The following CABIN1 variants were observed in gnomAD, a reference collection of about 807,000 sequenced individuals.
CABIN1 encodes the protein calcineurin-binding protein cabin-1.
In CABIN1, 133 loss-of-function variants were observed where a neutral mutation model predicts 227.7. The observed-to-expected ratio is 0.58, with a 90% CI of 0.51 to 0.67. The LOEUF (loss-of-function observed/expected upper bound fraction) is 0.67, where lower values mean the gene tolerates loss of function less well. Among genes scored for constraint, CABIN1 ranks in the 30% least tolerant of loss-of-function variants. The pLI, the probability that CABIN1 is intolerant of heterozygous loss-of-function variation, is 0.00. For missense variants in CABIN1, 2,408 were observed against 2,852.5 expected (o/e 0.84, Z 3.55); for synonymous variants, 1,086 against 1,155.1 (o/e 0.94, Z 1.21).
At chr22:24,155,521 C>T (rs1020405905) in intron 29 of CABIN1, among the ~76,000 whole-genome samples, 2 of 152,200 alleles carry the variant, frequency 1.3e-5, no homozygotes, top group African/African-American at 4.8e-5. Flanking sequence ...AACCCACTTA[C>T]CATGGCATCT....
rs1190172391 is a variant in CABIN1 at position 24,177,512 on chromosome 22, CTG to C, written c.6215_6216del (p.Leu2072GlnfsTer3). On this transcript the variant is annotated frameshift_variant, in exon 36 of 37. Coordinates refer to ENST00000263119, the MANE Select transcript of CABIN1 (RefSeq NM_012295.4). LOFTEE classifies it high-confidence loss of function. This position sits in a 1 kb window ranked among gnomAD's most constrained non-coding sequence, Gnocchi z 4.4. Reference sequence around the variant, plus strand: ...GTACCTTTGTCTTCCAGAGGGGAAACTGAGGCCTGAGCCGAGAAGGGATGGGG... The same window carrying C: ...GTACCTTTGTCTTCCAGAGGGGAAACAGGCCTGAGCCGAGAAGGGATGGGG... ...AEPTCSQEGK[L>X]RPEPRRDGEA... The C allele has an allele frequency of 6.5e-7, 1 of 1,529,686 alleles. No individual in the cohort carries two copies. Among genetic ancestry groups the C allele is most frequent in the South Asian group, 1.3e-5 (1 of 79,220 alleles). The allele number at this position is 1,529,686 out of a possible 1,614,324, so 94.8% of individuals were successfully genotyped here.
In CABIN1 at chr22:24,113,766, G is replaced by A. The variant is rs184785116; in HGVS notation, c.4300+18G>A. 7 of 1,613,246 alleles carry A rather than the reference G, an allele frequency of 4.3e-6. No individual in the cohort carries two copies. Among genetic ancestry groups the A allele is most frequent in the South Asian group, 3.3e-5 (3 of 91,048 alleles). On this transcript the variant is annotated intron_variant, in intron 27 of 36. Transcript: ENST00000263119. ...AGAAAGAGGTATGAAGCCCTAACTC[G>A]GTGAATTAGAACCACTTTGATGTCC...
intron 28 of CABIN1, among the ~76,000 whole-genome samples, chr22:24,130,109 G>C (rs1278956543): frequency 1.3e-5 from 2 of 152,214 alleles, no homozygotes; most frequent in Non-Finnish European, 2.9e-5. Context: ...TGTCACAGGA[G>C]GGTCTATGTG....
chr22:24,085,642 G>A (rs1278880127), intron 22 of CABIN1, among the ~76,000 whole-genome samples: 1 of 152,190 alleles, frequency 6.6e-6, no homozygotes, highest in Non-Finnish European at 1.5e-5. Context: ...TGTCATGATA[G>A]TACATGTAGA....
At position 24,092,753 on chromosome 22, in the gene CABIN1, T is replaced by G. The variant is rs553967922; in HGVS notation, c.3786+910T>G. ...TAAAGAGATTCAAACAACTCAGAAG[T>G]GTACAGTGTGAATGTGAAGGCCCCT... On this transcript the variant is annotated intron_variant, in intron 24 of 36. Coordinates refer to ENST00000263119, the MANE Select transcript of CABIN1 (RefSeq NM_012295.4). Among the ~76,000 whole-genome samples the G allele has an allele frequency of 7.5e-4, 113 of 151,036 alleles. 2 individuals are homozygous for G. In the South Asian group the frequency reaches 0.023, roughly 31 times the overall value.
intron 32 of CABIN1, among the ~76,000 whole-genome samples, chr22:24,168,045 GCTTGGTTGGAGCC>G (rs1280925394): frequency 6.6e-6 from 1 of 152,210 alleles, no homozygotes; most frequent in Non-Finnish European, 1.5e-5. Flanking sequence ...GAATTTGAAG[GCTTGGTTGGAGCC>G]CTTGAGTCTG....
intron 17 of CABIN1, among the ~76,000 whole-genome samples, chr22:24,071,919 T>C (rs2040115490): frequency 6.6e-6 from 1 of 152,044 alleles, no homozygotes; most frequent in African/African-American, 2.4e-5. Context: ...CCACAGCCAC[T>C]CACTTGGAAA....
intron 24 of CABIN1, among the ~76,000 whole-genome samples, chr22:24,094,217 C>T (rs1179411809): frequency 2.0e-5 from 3 of 152,206 alleles, no homozygotes; most frequent in Admixed American, 6.5e-5. Context: ...AGCCACTGAA[C>T]CTACGTGTGG....
chr22:24,089,086 G>A (rs755249228), intron 23 of CABIN1, among the ~76,000 whole-genome samples: 1 of 152,192 alleles, frequency 6.6e-6, no homozygotes, highest in African/African-American at 2.4e-5. Context: ...ATTATCCTCT[G>A]CTGGGGCTCA....
At chr22:24,126,897 G>A (rs1241725807) in intron 28 of CABIN1, among the ~76,000 whole-genome samples, 1 of 151,766 alleles carries the variant, frequency 6.6e-6, no homozygotes, top group Non-Finnish European at 1.5e-5. Context: ...TACTCAGTAG[G>A]CTAAGGAAGG....
intron 3 of CABIN1, among the ~76,000 whole-genome samples, chr22:24,037,259 C>CAAAAAAAAA (rs71184942): frequency 1.9e-5 from 1 of 52,636 alleles, no homozygotes; most frequent in Admixed American, 2.1e-4. Flanking sequence ...GACCCCGTCT[C>CAAAAAAAAA]AAAAAAAAAA....
At chr22:24,137,426 G>T (rs1163425770) in intron 29 of CABIN1, among the ~76,000 whole-genome samples, 1 of 152,232 alleles carries the variant, frequency 6.6e-6, no homozygotes, top group East Asian at 1.9e-4. Flanking sequence ...AGCAGTCTGA[G>T]GTTGTGTGCC....
rs934277302 is a variant in CABIN1 at position 24,147,977 on chromosome 22, G to A, written c.4746+13562G>A. ...GGGCAAAGGCAGAGTCTGGGTGTGAGCAGGCAGGAAGAGGCTGAGGGAGGG... is the reference window on the plus strand; with the variant it reads ...GGGCAAAGGCAGAGTCTGGGTGTGAACAGGCAGGAAGAGGCTGAGGGAGGG... On this transcript the variant is annotated intron_variant, in intron 29 of 36. Coordinates refer to ENST00000263119, the MANE Select transcript of CABIN1 (RefSeq NM_012295.4). 4.6e-5 allele frequency among the ~76,000 whole-genome samples: 7 copies of A among 152,362 alleles called. 1 individual carries two copies. The South Asian group carries it at 1.4e-3, about 32-fold the overall frequency.
At chr22:24,134,460 T>A (rs370894323) in intron 29 of CABIN1, 45 bp downstream of exon 29, 193 of 1,497,626 alleles carry the variant, frequency 1.3e-4, no homozygotes, top group Non-Finnish European at 1.7e-4. Context: ...TTGTTGCCAC[T>A]GCTTTTCACT....
chr22:24,070,380 G>A (rs897172466), intron 16 of CABIN1, among the ~76,000 whole-genome samples: 1 of 152,228 alleles, frequency 6.6e-6, no homozygotes, highest in Non-Finnish European at 1.5e-5. Flanking sequence ...CCTCCGCTGA[G>A]GTAGTCCCTC....
At chr22:24,055,865 G>A (rs528218501) in intron 9 of CABIN1, among the ~76,000 whole-genome samples, 9 of 152,246 alleles carry the variant, frequency 5.9e-5, no homozygotes, top group South Asian at 2.1e-4. Flanking sequence ...CACTCTGTCC[G>A]TTCTGGGTAA....
At chr22:24,098,490 C>T (rs1167253636) in intron 26 of CABIN1, among the ~76,000 whole-genome samples, 1 of 152,146 alleles carries the variant, frequency 6.6e-6, no homozygotes, top group African/African-American at 2.4e-5. Context: ...AAAATGGGGA[C>T]ATGACATCTA....
At chr22:24,097,452 T>A (rs1569210325) in intron 25 of CABIN1, among the ~76,000 whole-genome samples, 1 of 152,234 alleles carries the variant, frequency 6.6e-6, no homozygotes, top group Non-Finnish European at 1.5e-5. Context: ...TGGGCAACAG[T>A]CCATGGAGAT....
At chr22:24,144,778 GGTGTTGCTGTGCTCC>G (rs1327013363) in intron 29 of CABIN1, among the ~76,000 whole-genome samples, 2 of 152,254 alleles carry the variant, frequency 1.3e-5, no homozygotes, top group African/African-American at 4.8e-5. Context: ...TTTCCTGCCA[GGTGTTGCTGTGCTCC>G]GTGTTGCTGT....
Sources: gnomAD v4.1 joint callset for allele counts (sites outside exome capture counted in the v4.1 genomes callset) on GRCh38, gnomAD v4.1.1 for gene constraint, Gnocchi (gnomAD v3.1) non-coding constraint, MANE v1.5 for transcripts, NCBI Gene and HGNC (gene_info 2026-07-23, HGNC 2026-07-21) for gene names.